The following EP300 variants were observed in gnomAD, a reference collection of about 807,000 sequenced individuals.
EP300 encodes the protein histone acetyltransferase p300.
A neutral mutation model predicts 264.0 loss-of-function variants in EP300; 31 were observed. That is an observed-to-expected ratio of 0.12 (90% CI 0.09 to 0.16). EP300 has a LOEUF of 0.16. Ranked by LOEUF, EP300 falls within the 10% of genes least tolerant of loss-of-function variation. The probability of loss-of-function intolerance (pLI) is 1.00; values close to 1 mark genes in which losing one functional copy is unlikely to be tolerated. For synonymous variants in EP300, 1,340 were observed against 1,045.4 expected (o/e 1.28, Z -5.44); for missense variants, 2,766 against 3,052.9 (o/e 0.91, Z 2.21).
intron 4 of EP300, among the ~76,000 whole-genome samples, chr22:41,128,259 A>G (rs1297035974): frequency 2.0e-5 from 3 of 152,178 alleles, no homozygotes; most frequent in African/African-American, 7.2e-5. Flanking sequence ...GTTCAAGACC[A>G]GCCTGGGCAA....
At chr22:41,167,826 GT>G (rs1192332279) in intron 23 of EP300, among the ~76,000 whole-genome samples, 334 of 32,168 alleles carry the variant, frequency 0.01, 2 homozygotes, top group Middle Eastern at 0.029. Flanking sequence ...TTTTTTTTTT[GT>G]TTTTTTTTTT....
At chr22:41,156,644 G>A (rs1222453963) in intron 17 of EP300, among the ~76,000 whole-genome samples, 3 of 152,024 alleles carry the variant, frequency 2.0e-5, no homozygotes, top group African/African-American at 7.2e-5. Flanking sequence ...TAGTTTGAAC[G>A]ACCCTGGGAG....
At position 41,131,462 on chromosome 22, in the gene EP300, C is replaced by G. The variant is rs1315254953; in HGVS notation, c.1357C>G (p.Leu453Val). 1 of 1,614,112 alleles carries G rather than the reference C, an allele frequency of 6.2e-7. No homozygotes were observed. The highest frequency in any genetic ancestry group is 8.5e-7 in the Non-Finnish European group (1 of 1,180,012). The change falls in exon 6 of 31, where the codon CTA becomes GTA. Residue 453 changes from leucine to valine, a missense_variant. Transcript: ENST00000263253. ...GGTGGGTCAACAGTCTGCCCCCAAC[C>G]TAAGCACTGTTAGTCAGATTGATCC... ...LGVGQQSAPN[L>V]STVSQIDPSS...
intron 21 of EP300, among the ~76,000 whole-genome samples, chr22:41,163,700 T>C (rs945774013): frequency 1.6e-4 from 24 of 151,862 alleles, no homozygotes; most frequent in Admixed American, 2.6e-4. Context: ...TGAGCTGATA[T>C]GACGCCACTG....
intron 4 of EP300, 56 bp from the exon 5 acceptor site, chr22:41,129,834 T>C (rs1283961780): frequency 7.5e-7 from 1 of 1,336,004 alleles, no homozygotes; most frequent in Non-Finnish European, 1.1e-6. Context: ...AAGTTAGCTA[T>C]TATTAATGTA....
chr22:41,127,666 G>A lies in EP300; in HGVS notation c.1086G>A (p.Arg362=). 6.2e-7 allele frequency: 1 copy of A among 1,614,190 alleles called. No homozygotes were observed. Residue 362 remains arginine, a synonymous_variant, in exon 4 of 31, where the codon AGG becomes AGA. Coordinates refer to ENST00000263253, the MANE Select transcript of EP300 (RefSeq NM_001429.4). ...GGGAACAGGCCAATGGGGAAGTGAG[G>A]CAGTGCAACCTTCCCCACTGTCGCA... The part of the protein sequence containing the change: ...QRREQANGEV[R]QCNLPHCRTM...
At position 41,131,415 on chromosome 22, in the gene EP300, T is replaced by C. The variant is rs1200880655; in HGVS notation, c.1310T>C (p.Leu437Pro). The C allele has an allele frequency of 1.9e-6, 3 of 1,613,994 alleles. No individual in the cohort carries two copies. Among genetic ancestry groups the C allele is most frequent in the Non-Finnish European group, 2.5e-6 (3 of 1,180,024 alleles). ...QPILTGAPVG[L>P]GNPSSLGVGQ... ...ATTTTGACTGGAGCACCCGTTGGAC[T>C]TGGAAATCCTAGCTCTCTAGGGGTG... is the stretch of plus-strand genomic sequence containing the variant. Residue 437 changes from leucine to proline, a missense_variant, in exon 6 of 31, where the codon CTT (leucine) becomes CCT (proline). Physicochemically the swap from Leu to Pro is moderately conservative, Grantham distance 98. Transcript: ENST00000263253.
At chr22:41,096,448 T>C (rs1398360511) in intron 1 of EP300, among the ~76,000 whole-genome samples, 1 of 152,076 alleles carries the variant, frequency 6.6e-6, no homozygotes, top group African/African-American at 2.4e-5. Context: ...CTTCTGGTCT[T>C]GGTACAGTTT....
rs868459601 is a variant in EP300, at chr22:41,179,876, C to T, written c.*920C>T. The T allele has an allele frequency of 7.6e-6, 1 of 131,172 alleles. No individual in the cohort carries two copies. The highest frequency in any genetic ancestry group is 1.5e-5 in the Non-Finnish European group (1 of 66,268). The allele number at this position is 131,172 out of a possible 1,614,324, so 8.1% of individuals were successfully genotyped here. A position where few individuals can be genotyped will look rare whatever the true frequency, so the allele number is the denominator to read the frequency against. ...GCTTTCTTCCTCCTTACCCTACCCC[C>T]CACTCACACACACACACACACACAC... On this transcript the variant is annotated 3_prime_UTR_variant, in exon 31 of 31. Transcript: ENST00000263253.
intron 10 of EP300, among the ~76,000 whole-genome samples, chr22:41,142,507 C>A (rs1016644896): frequency 6.6e-6 from 1 of 152,014 alleles, no homozygotes; most frequent in Non-Finnish European, 1.5e-5. Context: ...GTAGTTAGAA[C>A]AAATTTTCAG....
At chr22:41,120,302 G>A (rs1601600212) in intron 2 of EP300, among the ~76,000 whole-genome samples, 1 of 151,948 alleles carries the variant, frequency 6.6e-6, no homozygotes, top group Non-Finnish European at 1.5e-5. Context: ...GCAACATAGT[G>A]AGACCCCCAT....
rs117842235 is a variant in EP300 at position 41,135,673 on chromosome 22, G to A, written c.1529-140G>A. On this transcript the variant is annotated intron_variant, in intron 6 of 30. Transcript: ENST00000263253. ...TCAAATCAGCCTTTACATATGTGTT[G>A]CCAGTTATATTGTCAATTATTTATT... 3,860 of 672,024 alleles carry A rather than the reference G, an allele frequency of 5.7e-3. 45 individuals are homozygous for A. Among genetic ancestry groups the A allele is most frequent in the East Asian group, 0.034 (1,223 of 36,184 alleles). 41.6% of individuals were successfully genotyped at this position (672,024 alleles called of 1,614,324 possible).
At position 41,168,605 on chromosome 22, in the gene EP300, T is replaced by C; in HGVS notation, c.4025+6T>C. 1 of 1,614,192 alleles carries C rather than the reference T, an allele frequency of 6.2e-7. No homozygotes were observed. Among genetic ancestry groups the C allele is most frequent in the Non-Finnish European group, 8.5e-7 (1 of 1,180,026 alleles). ...AAACCAGGCATGAAAGCAAGGTATC[T>C]AGTCATTTCACTTTTCTTCTCCTCG... On this transcript the variant is annotated splice_donor_region_variant and intron_variant, in intron 24 of 30. Coordinates refer to ENST00000263253, the MANE Select transcript of EP300 (RefSeq NM_001429.4).
chr22:41,128,360 T>G (rs926429219), intron 4 of EP300, among the ~76,000 whole-genome samples: 2 of 151,960 alleles, frequency 1.3e-5, no homozygotes, highest in Non-Finnish European at 2.9e-5. Flanking sequence ...CTTGGGAGAT[T>G]GAGGTGGGAG....
chr22:41,169,532 T>C lies in EP300; in HGVS notation c.4202T>C (p.Val1401Ala), dbSNP rs2145765036. The change falls in exon 26 of 31, where the codon GTT (valine) becomes GCT (alanine). Residue 1401 changes from valine (V) to alanine (A), a missense_variant. Physicochemically the swap from Val to Ala is moderately conservative, Grantham distance 64 (BLOSUM62 0). Coordinates refer to ENST00000263253, the MANE Select transcript of EP300 (RefSeq NM_001429.4). ...RRVYISYLDS[V>A]HFFRPKCLRT... Reference sequence around the variant, plus strand: ...GTATACATATCTTACCTCGATAGTGTTCATTTCTTCCGTCCTAAATGCTTG... The same window carrying C: ...GTATACATATCTTACCTCGATAGTGCTCATTTCTTCCGTCCTAAATGCTTG... 1 of 1,609,512 alleles carries C rather than the reference T, an allele frequency of 6.2e-7. No individual in the cohort carries two copies. Among genetic ancestry groups the C allele is most frequent in the Non-Finnish European group, 8.5e-7 (1 of 1,177,668 alleles).
chr22:41,114,479 T>G (rs2058810776), intron 1 of EP300, among the ~76,000 whole-genome samples: 1 of 152,186 alleles, frequency 6.6e-6, no homozygotes, highest in African/African-American at 2.4e-5. Context: ...TGCTCAGCCT[T>G]GTGGCACATT....
At position 41,176,768 on chromosome 22, in the gene EP300, C is replaced by T. The variant is rs1601639609; in HGVS notation, c.5062-5C>T. On this transcript the variant is annotated splice_region_variant and splice_polypyrimidine_tract_variant and intron_variant, in intron 30 of 30. Transcript: ENST00000263253. ...GTTTACGTGCACCTCCTGTTTTTTC[C>T]CTAGGATTATGACTTGTGTATCACC... 3.1e-6 allele frequency: 5 copies of T among 1,613,802 alleles called. No homozygotes were observed. The highest frequency in any genetic ancestry group is 4.2e-6 in the Non-Finnish European group (5 of 1,180,000).
chr22:41,124,848 A>G (rs1461390621), intron 2 of EP300, among the ~76,000 whole-genome samples: 2 of 152,218 alleles, frequency 1.3e-5, no homozygotes, highest in African/African-American at 2.4e-5. Flanking sequence ...ATAACTCTGT[A>G]CATTTACCAT....
At position 41,137,653 on chromosome 22, in the gene EP300, C is replaced by T. The variant is rs2145722615; in HGVS notation, c.1623C>T (p.Asn541=). 1 of 1,613,820 alleles carries T rather than the reference C, an allele frequency of 6.2e-7. No homozygotes were observed. The highest frequency in any genetic ancestry group is 1.3e-5 in the African/African-American group (1 of 74,980). The change falls in exon 8 of 31, where the codon AAC becomes AAT. Residue 541 remains asparagine, a splice_region_variant and synonymous_variant. Transcript: ENST00000263253. ...ACTATTTGGTGACCCCTTTTTGAAG[C>T]CCAATGATGAGTGAAAATGCCAGTG... is the stretch of plus-strand genomic sequence containing the variant. ...SMLHSAINSQ[N]PMMSENASVP...
Sources: allele counts gnomAD v4.1 joint callset (sites outside exome capture counted in the v4.1 genomes callset), GRCh38; gene constraint gnomAD v4.1.1; transcripts MANE v1.5; gene names NCBI Gene and HGNC (gene_info 2026-07-23, HGNC 2026-07-21).